ZNF500: variants seen among roughly 807,000 people sequenced by gnomAD.
The protein encoded by ZNF500 is zinc finger protein 500.
Under a neutral mutation model 30.1 loss-of-function variants are expected in ZNF500, and 31 were observed. The observed-to-expected ratio is 1.03, with a 90% CI of 0.77 to 1.39. ZNF500 has a LOEUF of 1.39. ZNF500 is among the 40% of genes most tolerant of loss of function. ZNF500 has a pLI of 0.00. For missense variants in ZNF500, 817 were observed against 657.8 expected, an observed-to-expected ratio of 1.24 and a Z score of -2.65; for synonymous variants, 392 against 282.0, an observed-to-expected ratio of 1.39 and a Z score of -3.91.
chr16:4,752,488 C>T lies in ZNF500; in HGVS notation c.1331G>A (p.Arg444Gln), dbSNP rs373754612. ...EKPYTCPACG[R>Q]GFRRGTDLHK... is the part of the protein sequence containing the mutation. ...CAGGTCGGTGCCCCGGCGGAAGCCC[C>T]GGCCACAGGCCGGGCAGGTGTAGGG... The change falls in exon 6 of 6, where the codon CGG becomes CAG. Residue 444 changes from arginine to glutamine, a missense_variant. By Grantham distance (43) the Arg-to-Gln change is conservative. Transcript: ENST00000219478. 225 of 1,548,688 alleles carry T rather than the reference C, an allele frequency of 1.5e-4. 1 individual carries two copies. The highest frequency in any genetic ancestry group is 1.3e-3 in the African/African-American group (97 of 73,388).
At chr16:4,753,280 G>T in intron 5 of ZNF500, 1 of 796,104 alleles carries the variant, frequency 1.3e-6, no homozygotes, top group Non-Finnish European at 1.8e-6. Flanking sequence ...GGGCAACGCA[G>T]TGAGATCTCG....
At chr16:4,748,003 T>C (rs2082039590), downstream of ZNF500, among the ~76,000 whole-genome samples, 1 of 152,092 alleles carries the variant, frequency 6.6e-6, no homozygotes, top group Non-Finnish European at 1.5e-5. Context: ...ATCAATAAGG[T>C]CTTTTTAAAA....
At chr16:4,754,467 C>T (rs564820768) in intron 5 of ZNF500, among the ~76,000 whole-genome samples, 1 of 152,058 alleles carries the variant, frequency 6.6e-6, no homozygotes, top group East Asian at 1.9e-4. Context: ...TGAGACCAGC[C>T]TGGCCAACAT....
intron 5 of ZNF500, 24 bp from the exon 6 acceptor site, chr16:4,753,082 C>A (rs2082102690): frequency 1.1e-5 from 16 of 1,502,120 alleles, no homozygotes; most frequent in Non-Finnish European, 1.4e-5. Context: ...AGCACGATCT[C>A]TAGGAACTCA....
downstream of ZNF500, chr16:4,747,046 C>A (rs376834868): frequency 1.9e-5 from 29 of 1,509,058 alleles, no homozygotes; most frequent in Non-Finnish European, 2.5e-5. Context: ...AGGGGCCTCT[C>A]GCCACCTGCA....
intron 5 of ZNF500, among the ~76,000 whole-genome samples, chr16:4,757,829 C>T (rs529201044): frequency 6.6e-6 from 1 of 150,548 alleles, no homozygotes; most frequent in East Asian, 2.0e-4. Flanking sequence ...GACTCGATCT[C>T]CTGACCTCAT....
intron 5 of ZNF500, among the ~76,000 whole-genome samples, chr16:4,754,802 C>T (rs1226803852): frequency 6.6e-6 from 1 of 151,990 alleles, no homozygotes; most frequent in Non-Finnish European, 1.5e-5. Context: ...TGTCCTCACC[C>T]AAATCTCATG....
downstream of ZNF500, chr16:4,746,206 C>T (rs2082015696): frequency 6.1e-6 from 4 of 661,022 alleles, no homozygotes; most frequent in South Asian, 2.4e-5. Context: ...GCCTAAATCT[C>T]GCATGCTGTT....
Position 4,765,918 on chromosome 16 carries a change from C to G in ZNF500, c.61G>C (p.Glu21Gln). The change falls in exon 2 of 6, where the codon GAG becomes CAG. Residue 21 changes from glutamate (E) to glutamine (Q), a missense_variant. Coordinates refer to ENST00000219478, the MANE Select transcript of ZNF500 (RefSeq NM_021646.4). ...PTLEQDLEQE[E>Q]ILIVKVEEDF... ...TCCTCCACCTTCACAATCAGGATCT[C>G]TTCCTGTTCCAGGTCCTGCTCCAAG... The G allele has an allele frequency of 6.2e-7, 1 of 1,609,928 alleles. No homozygotes were observed. Among genetic ancestry groups the G allele is most frequent in the South Asian group, 1.1e-5 (1 of 90,588 alleles).
In ZNF500 at chr16:4,754,407, C is replaced by CCAAGCA. The variant is rs1475034990; in HGVS notation, c.761-1355_761-1350dup. 4.6e-5 allele frequency among the ~76,000 whole-genome samples: 7 copies of CCAAGCA among 152,106 alleles called. No homozygotes were observed. The East Asian group carries it at 1.4e-3, about 30-fold the overall frequency. On this transcript the variant is annotated intron_variant, in intron 5 of 5. Transcript: ENST00000219478. ...GGGCATGGTGGCTCATGCCTGTAAT[C>CCAAGCA]CAAGCACTTTGGGAGGCCGAGGAAG...
chr16:4,762,602 T>C lies in ZNF500; in HGVS notation c.569A>G (p.Gln190Arg). 1 of 1,613,928 alleles carries C rather than the reference T, an allele frequency of 6.2e-7. No individual in the cohort carries two copies. The highest frequency in any genetic ancestry group is 8.5e-7 in the Non-Finnish European group (1 of 1,179,912). The change falls in exon 3 of 6, where the codon CAG becomes CGG. Residue 190 changes from glutamine (Q) to arginine (R), a missense_variant. Transcript: ENST00000219478. ...CTCTGGCCACAACAGCGGGCCCCTCTGTGGCCTGTGGCTCAGCTGGGCTGG... is the reference window on the plus strand; with the variant it reads ...CTCTGGCCACAACAGCGGGCCCCTCCGTGGCCTGTGGCTCAGCTGGGCTGG... ...QPPAQLSHRP[Q>R]RGPLLWPERG...
At chr16:4,760,643 A>G (rs181455699) in intron 4 of ZNF500, 55 bp from the exon 5 acceptor site, 11 of 1,497,306 alleles carry the variant, frequency 7.3e-6, no homozygotes, top group Middle Eastern at 1.8e-4. Flanking sequence ...CTCCTCCCCA[A>G]CTAAGGCCAC....
downstream of ZNF500, chr16:4,746,516 C>A: frequency 6.2e-7 from 1 of 1,612,394 alleles, no homozygotes; most frequent in South Asian, 1.1e-5. Context: ...CAGAAAGGTC[C>A]GGAGGGCAGT....
At chr16:4,745,578 A>T (rs1203376891), downstream of ZNF500, among the ~76,000 whole-genome samples, 2 of 152,204 alleles carry the variant, frequency 1.3e-5, no homozygotes, top group South Asian at 2.1e-4. Context: ...GCACTTGAGG[A>T]ATCTGAGAAC....
chr16:4,751,533 T>G lies in ZNF500; in HGVS notation c.*843A>C. On this transcript the variant is annotated 3_prime_UTR_variant, in exon 6 of 6. Transcript: ENST00000219478. ...GAATGCTGCAGAGCCCCGGGCTCCATTTGGAAACTCTGGCAGGATGAAGAA... is the reference window on the plus strand; with the variant it reads ...GAATGCTGCAGAGCCCCGGGCTCCAGTTGGAAACTCTGGCAGGATGAAGAA... The G allele has an allele frequency of 6.6e-7, 1 of 1,522,544 alleles. No homozygotes were observed. The highest frequency in any genetic ancestry group is 8.8e-7 in the Non-Finnish European group (1 of 1,140,686). The allele number at this position is 1,522,544 out of a possible 1,614,324, so 94.3% of individuals were successfully genotyped here. A position where few individuals can be genotyped will look rare whatever the true frequency, so the allele number is the denominator to read the frequency against.
rs1194326826 is a variant in ZNF500, at chr16:4,751,681, GATGAT to G, written c.*690_*694del. 6.6e-7 allele frequency: 1 copy of G among 1,516,908 alleles called. No individual in the cohort carries two copies. The highest frequency in any genetic ancestry group is 8.8e-7 in the Non-Finnish European group (1 of 1,130,248). 94.0% of individuals were successfully genotyped at this position (1,516,908 alleles called of 1,614,324 possible). ...GACCTTATTTGGAAACACGGGTTTT[GATGAT>G]ATAATTAGTTAAGATGAGGTCACAG... On this transcript the variant is annotated 3_prime_UTR_variant, in exon 6 of 6. Transcript: ENST00000219478.
chr16:4,760,464 C>T (rs1567531800), intron 5 of ZNF500, 28 bp downstream of exon 5: 2 of 1,608,968 alleles, frequency 1.2e-6, no homozygotes, highest in Non-Finnish European at 1.7e-6. Flanking sequence ...GGCAAGCCCC[C>T]TAGAGGACAC....
chr16:4,761,482 C>T (rs1251128653), intron 4 of ZNF500, among the ~76,000 whole-genome samples: 33 of 1,414 alleles, frequency 0.023, 1 homozygote, highest in Admixed American at 0.13. Context: ...CATACATACA[C>T]ACACACACAC....
At chr16:4,765,519 G>C in intron 2 of ZNF500, 46 bp downstream of exon 2, 4 of 1,539,530 alleles carry the variant, frequency 2.6e-6, no homozygotes, top group Non-Finnish European at 3.5e-6. Flanking sequence ...GACCCCAGCA[G>C]CAGGGCCCCA....
Sources: allele counts gnomAD v4.1 joint callset (sites outside exome capture counted in the v4.1 genomes callset), GRCh38; gene constraint gnomAD v4.1.1; transcripts MANE v1.5; gene names NCBI Gene and HGNC (gene_info 2026-07-23, HGNC 2026-07-21).